The following WASHC2C variants were observed in gnomAD, a reference collection of about 807,000 sequenced individuals.
WASHC2C encodes the protein WASH complex subunit 2C.
In WASHC2C, 73 loss-of-function variants were observed where a neutral mutation model predicts 142.2. The ratio of observed to expected loss-of-function variants is 0.51; its 90% CI spans 0.43 to 0.62. WASHC2C has a LOEUF of 0.62. WASHC2C is among the 20% of genes least tolerant of loss of function. The probability of loss-of-function intolerance (pLI) is 0.00; values close to 1 mark genes in which losing one functional copy is unlikely to be tolerated. For missense variants in WASHC2C, 969 were observed against 1,531.7 expected (o/e 0.63, Z 6.13); for synonymous variants, 337 against 565.5 (o/e 0.60, Z 5.73).
intron 2 of WASHC2C, among the ~76,000 whole-genome samples, chr10:45,728,460 C>G (rs1174349133): frequency 1.3e-5 from 2 of 152,242 alleles, no homozygotes; most frequent in East Asian, 3.9e-4. Context: ...GCATTCCGGC[C>G]GGGCACAGTG....
At chr10:45,779,813 T>C (rs1317903290) in intron 23 of WASHC2C, among the ~76,000 whole-genome samples, 1 of 152,070 alleles carries the variant, frequency 6.6e-6, no homozygotes, top group Non-Finnish European at 1.5e-5. Flanking sequence ...AATGAAACCC[T>C]GTTTCTACTA....
chr10:45,740,492 T>C (rs1485603889), intron 5 of WASHC2C, among the ~76,000 whole-genome samples: 4 of 152,192 alleles, frequency 2.6e-5, no homozygotes, highest in Non-Finnish European at 5.9e-5. Context: ...TCGAGGTGTG[T>C]GTTGCAGTCT....
Position 45,792,467 on chromosome 10 carries a change from C to G in WASHC2C, c.*67C>G. The G allele has an allele frequency of 1.9e-6, 3 of 1,556,788 alleles. 1 individual carries two copies. The highest frequency in any genetic ancestry group is 2.6e-6 in the Non-Finnish European group (3 of 1,141,546). ...TGAGTTAGTGATGATATTGTATATGCTCATGGTCTTAACTGGATTACAAAA... is the reference window on the plus strand; with the variant it reads ...TGAGTTAGTGATGATATTGTATATGGTCATGGTCTTAACTGGATTACAAAA... On this transcript the variant is annotated 3_prime_UTR_variant, in exon 31 of 31. Coordinates refer to ENST00000623400, the MANE Select transcript of WASHC2C (RefSeq NM_001330074.2).
chr10:45,780,969 ACCT>A, intron 23 of WASHC2C, among the ~76,000 whole-genome samples: 1 of 151,084 alleles, frequency 6.6e-6, no homozygotes, highest in South Asian at 2.1e-4. Context: ...GGCCACGCTG[ACCT>A]TGAACTCTTG....
intron 23 of WASHC2C, among the ~76,000 whole-genome samples, chr10:45,781,314 A>T (rs1201735085): frequency 6.6e-6 from 1 of 152,266 alleles, no homozygotes. Flanking sequence ...ATTTATTGTA[A>T]TCTCTATCAA....
At chr10:45,773,713 C>G (rs2056816908) in intron 21 of WASHC2C, among the ~76,000 whole-genome samples, 1 of 152,108 alleles carries the variant, frequency 6.6e-6, no homozygotes, top group South Asian at 2.1e-4. Context: ...ATTAGCCAGT[C>G]AGTAAAAAGG....
chr10:45,749,851 A>ATATATATATATATT (rs797033033), intron 8 of WASHC2C, among the ~76,000 whole-genome samples: 5,046 of 107,660 alleles, frequency 0.047, 190 homozygotes, highest in Non-Finnish European at 0.064. Flanking sequence ...ATATATATAT[A>ATATATATATATATT]TATATTTATA....
In WASHC2C at chr10:45,789,027, C is replaced by T; in HGVS notation, c.3244C>T (p.Gln1082Ter). The change falls in exon 29 of 31, where the codon CAG (glutamine) becomes TAG (stop). Residue 1082 changes from glutamine to a stop codon, truncating the protein, a stop_gained. Coordinates refer to ENST00000623400, the MANE Select transcript of WASHC2C (RefSeq NM_001330074.2). LOFTEE classifies it high-confidence loss of function. ...CATTTCCCCAAATGGCCATCGGCCA[C>T]AGCTCAGAGCAGCCAGTGGAGAAGA... is the stretch of plus-strand genomic sequence containing the variant. ...GAISPNGHRP[Q>*]LRAASGEDST... 12 of 1,612,030 alleles carry T rather than the reference C, an allele frequency of 7.4e-6. No homozygotes were observed. Among genetic ancestry groups the T allele is most frequent in the Non-Finnish European group, 1.0e-5 (12 of 1,179,848 alleles).
chr10:45,743,256 T>C (rs1366426923), intron 5 of WASHC2C, 134 bp from the exon 6 acceptor site: 28 of 1,420,412 alleles, frequency 2.0e-5, no homozygotes, highest in Non-Finnish European at 2.4e-5. Flanking sequence ...CTTTTAGTCC[T>C]GCTGTGTTTC....
intron 15 of WASHC2C, among the ~76,000 whole-genome samples, chr10:45,755,692 C>T (rs1254690634): frequency 2.6e-5 from 4 of 151,708 alleles, no homozygotes; most frequent in Non-Finnish European, 4.4e-5. Context: ...ATGAAGATTC[C>T]GATTCAGTAG....
Position 45,791,815 on chromosome 10 carries a change from C to CGA in WASHC2C, c.3887-446_3887-445insGA, listed in dbSNP as rs1433992779. Among the ~76,000 whole-genome samples the CGA allele has an allele frequency of 1.4e-5, 2 of 146,130 alleles. 1 individual carries two copies. Among genetic ancestry groups the CGA allele is most frequent in the Non-Finnish European group, 3.0e-5 (2 of 65,694 alleles). On this transcript the variant is annotated intron_variant, in intron 30 of 30. Coordinates refer to ENST00000623400, the MANE Select transcript of WASHC2C (RefSeq NM_001330074.2). The stretch of plus-strand genomic sequence containing the variant: ...GAATGCAGTGACGGAGGCTTACAGT[C>CGA]TTACATCGAGATGCCTCAAATCAGT...
At chr10:45,749,869 A>ATATT (rs2053377503) in intron 8 of WASHC2C, among the ~76,000 whole-genome samples, 3 of 138,732 alleles carry the variant, frequency 2.2e-5, no homozygotes, top group Non-Finnish European at 4.6e-5. Context: ...ATATATATAT[A>ATATT]TATTTATATT....
rs750336718 is a variant in WASHC2C, at chr10:45,727,465, G to C, written c.52G>C (p.Val18Leu). The change falls in exon 2 of 31, where the codon GTG (valine) becomes CTG (leucine). Residue 18 changes from valine to leucine, a missense_variant. Val to Leu is a conservative substitution (Grantham distance 32, BLOSUM62 1). Transcript: ENST00000623400. ...DQELVPASEP[V>L]WERPWSVEEI... ...GGAGCTGGTGCCGGCGTCGGAGCCC[G>C]TGTGGGAGCGGCCGTGGTCGGTGGA... 1.4e-5 allele frequency: 22 copies of C among 1,610,186 alleles called. No individual in the cohort carries two copies. The South Asian group carries it at 2.3e-4, about 17-fold the overall frequency.
chr10:45,730,307 A>G (rs1467226992), intron 3 of WASHC2C, among the ~76,000 whole-genome samples: 9 of 143,720 alleles, frequency 6.3e-5, no homozygotes, highest in East Asian at 2.0e-4. Flanking sequence ...AGATCCTGCC[A>G]TTGTACTCCA....
chr10:45,773,423 C>G, intron 21 of WASHC2C, 65 bp downstream of exon 21: 1 of 606,350 alleles, frequency 1.6e-6, no homozygotes, highest in South Asian at 2.0e-5. Context: ...AGTGGTACTT[C>G]CCCGAATCAG....
chr10:45,733,387 T>C (rs2050835132), intron 3 of WASHC2C, among the ~76,000 whole-genome samples: 2 of 152,110 alleles, frequency 1.3e-5, no homozygotes, highest in African/African-American at 2.4e-5. Context: ...GTATAGTCTG[T>C]TACTCTCCAG....
chr10:45,743,223 G>GA lies in WASHC2C; in HGVS notation c.529-160dup, dbSNP rs575154393. The stretch of plus-strand genomic sequence containing the variant: ...GGATTTGACTTTTAAAAAAATCAGT[G>GA]AAAAAAAGAATTTTTTTTTTAACTT... On this transcript the variant is annotated intron_variant, in intron 5 of 30. Transcript: ENST00000623400. 1.2e-3 allele frequency among the ~76,000 whole-genome samples: 188 copies of GA among 152,174 alleles called. 1 individual carries two copies. The South Asian group carries it at 0.038, about 31-fold the overall frequency.
chr10:45,785,449 A>G, intron 25 of WASHC2C, 60 bp from the exon 26 acceptor site: 7 of 1,600,772 alleles, frequency 4.4e-6, no homozygotes, highest in Non-Finnish European at 6.0e-6. Context: ...TTGCATTATG[A>G]TTTTTCCTTA....
intron 20 of WASHC2C, among the ~76,000 whole-genome samples, chr10:45,772,360 G>A (rs1554884958): frequency 6.6e-6 from 1 of 152,078 alleles, no homozygotes; most frequent in African/African-American, 2.4e-5. Context: ...AGAAAACATT[G>A]AAGTATGCAC....
Sources: allele counts gnomAD v4.1 joint callset (sites outside exome capture counted in the v4.1 genomes callset), GRCh38; gene constraint gnomAD v4.1.1; transcripts MANE v1.5; gene names NCBI Gene and HGNC (gene_info 2026-07-23, HGNC 2026-07-21).